The following RP1 variants were observed in gnomAD, a reference collection of about 807,000 sequenced individuals.
RP1 encodes RP1 axonemal microtubule associated.
A neutral mutation model predicts 14.8 loss-of-function variants in RP1; 16 were observed. That is an observed-to-expected ratio of 1.08 (90% confidence interval 0.73 to 1.65). The LOEUF (loss-of-function observed/expected upper bound fraction) is 1.65. Among genes scored for constraint, RP1 ranks in the 40% most tolerant of loss-of-function variants. The probability of loss-of-function intolerance (pLI) is 0.00; values close to 1 mark genes in which losing one functional copy is unlikely to be tolerated. For synonymous variants in RP1, 876 were observed against 883.6 expected (o/e 0.99, Z 0.15); for missense variants, 2,631 against 2,535.0 (o/e 1.04, Z -0.81).
intron 24 of RP1, among the ~76,000 whole-genome samples, chr8:54,813,618 C>T (rs1011391323): frequency 4.6e-5 from 7 of 152,044 alleles, no homozygotes; most frequent in Admixed American, 1.3e-4. Context: ...TATCTAATTC[C>T]GTGGAAATAT....
chr8:54,741,081 T>C (rs1486585231), intron 19 of RP1, among the ~76,000 whole-genome samples: 5 of 150,988 alleles, frequency 3.3e-5, no homozygotes, highest in African/African-American at 7.3e-5. Flanking sequence ...AGAAAGAAAA[T>C]ATTTTTGTAT....
At chr8:54,673,261 T>C (rs1807218102) in intron 7 of RP1, among the ~76,000 whole-genome samples, 1 of 152,210 alleles carries the variant, frequency 6.6e-6, no homozygotes, top group African/African-American at 2.4e-5. Context: ...ATACAAAGGT[T>C]ATTTTTTCTT....
intron 18 of RP1, among the ~76,000 whole-genome samples, chr8:54,738,074 T>C (rs1352904787): frequency 6.6e-6 from 1 of 152,238 alleles, no homozygotes; most frequent in African/African-American, 2.4e-5. Context: ...CTTGCTAGTC[T>C]GTATATTTCT....
chr8:54,582,897 G>C (rs1180813963), intron 1 of RP1, among the ~76,000 whole-genome samples: 1 of 152,164 alleles, frequency 6.6e-6, no homozygotes, highest in Admixed American at 6.5e-5. Context: ...AGGAGATTTG[G>C]GGCTGAGAGG....
chr8:54,777,978 G>A (rs185752601), intron 23 of RP1, among the ~76,000 whole-genome samples: 96 of 152,256 alleles, frequency 6.3e-4, no homozygotes, highest in African/African-American at 2.2e-3. Flanking sequence ...GTTATATATT[G>A]TGCTGAAATA....
chr8:54,763,470 T>G (rs530945605), intron 22 of RP1, among the ~76,000 whole-genome samples: 46 of 152,138 alleles, frequency 3.0e-4, no homozygotes, highest in Non-Finnish European at 6.0e-4. Context: ...ATCAGTTAAA[T>G]GCAAATAACT....
At chr8:54,690,151 G>A (rs1333649469) in intron 12 of RP1, among the ~76,000 whole-genome samples, 1 of 151,864 alleles carries the variant, frequency 6.6e-6, no homozygotes, top group Non-Finnish European at 1.5e-5. Flanking sequence ...TGCCACCTGT[G>A]TAAATTTTCT....
rs76235019 is a variant in RP1, at chr8:54,721,164, C to A, written c.2389+858C>A. On this transcript the variant is annotated intron_variant, in intron 16 of 22. Transcript: ENST00000636932. ...GGTATATTTGGTCCTGTTCTTCACT[C>A]TATCTGCATCAACTTCTTTTCAGCC... Among the ~76,000 whole-genome samples, 11 of 152,352 alleles carry A rather than the reference C, an allele frequency of 7.2e-5. No homozygotes were observed. The East Asian group carries it at 2.1e-3, about 29-fold the overall frequency.
chr8:54,642,015 T>C (rs1202111784), intron 3 of RP1, among the ~76,000 whole-genome samples: 1 of 152,198 alleles, frequency 6.6e-6, no homozygotes, highest in African/African-American at 2.4e-5. Flanking sequence ...CACAATTAGT[T>C]GTGGTACTAA....
At chr8:54,661,791 T>A (rs426380) in intron 6 of RP1, among the ~76,000 whole-genome samples, 33,615 of 151,820 alleles carry the variant, frequency 0.22, 4,277 homozygotes, top group East Asian at 0.42. Flanking sequence ...TTCTTTTTTT[T>A]AAAAAAGTAT....
Position 54,626,576 on chromosome 8 carries a change from GA to G in RP1, c.2700del (p.Lys900AsnfsTer24). 6.2e-7 allele frequency: 1 copy of G among 1,613,206 alleles called. No homozygotes were observed. The highest frequency in any genetic ancestry group is 8.5e-7 in the Non-Finnish European group (1 of 1,179,788). ...CCAGGGCAAATTCTTTAGCTTCTTT[GA>G]AAAAACCTGATTTTCCTGAGGCTAT... ...TTRANSLASL[K>X]KPDFPEAIAH... On this transcript the variant is annotated frameshift_variant, in exon 4 of 4. Coordinates refer to ENST00000220676, the MANE Select transcript of RP1 (RefSeq NM_006269.2). LOFTEE classifies it low-confidence loss of function (END_TRUNC).
At chr8:54,837,693 G>A (rs1175578940) in intron 25 of RP1, 2 of 1,168,914 alleles carry the variant, frequency 1.7e-6, no homozygotes, top group African/African-American at 3.2e-5. Context: ...TTTCCTTTGT[G>A]ATGTGTATTG....
intron 4 of RP1, chr8:54,649,287 G>T: frequency 1.5e-6 from 1 of 657,754 alleles, no homozygotes; most frequent in Non-Finnish European, 2.2e-6. Flanking sequence ...GGAAGTTTTT[G>T]CTCAAGCAGA....
At chr8:54,696,413 C>A (rs1293506376) in intron 12 of RP1, 13 of 701,356 alleles carry the variant, frequency 1.9e-5, no homozygotes, top group East Asian at 1.0e-4. Flanking sequence ...GGAGCAAGAG[C>A]AAAGAAAAAA....
intron 17 of RP1, among the ~76,000 whole-genome samples, chr8:54,729,930 T>G (rs1487848615): frequency 2.6e-5 from 4 of 152,188 alleles, no homozygotes; most frequent in Non-Finnish European, 4.4e-5. Flanking sequence ...TTGTGTCCTT[T>G]TTAATATAAA....
intron 24 of RP1, among the ~76,000 whole-genome samples, chr8:54,831,345 A>T (rs1191580341): frequency 6.8e-6 from 1 of 147,710 alleles, no homozygotes; most frequent in Non-Finnish European, 1.5e-5. Flanking sequence ...GGATATCTCA[A>T]TCTTGTATTA....
intron 24 of RP1, among the ~76,000 whole-genome samples, chr8:54,807,948 A>G (rs1810898317): frequency 6.7e-6 from 1 of 149,548 alleles, no homozygotes. Flanking sequence ...TGCTTTCCTG[A>G]GAGTCCACAG....
At chr8:54,767,668 G>GT (rs1451283351) in intron 22 of RP1, among the ~76,000 whole-genome samples, 2 of 152,090 alleles carry the variant, frequency 1.3e-5, no homozygotes, top group Non-Finnish European at 2.9e-5. Context: ...CCTAAAGTCT[G>GT]TATTTTTAAA....
At chr8:54,702,914 T>C (rs1311727776) in intron 14 of RP1, among the ~76,000 whole-genome samples, 1 of 152,230 alleles carries the variant, frequency 6.6e-6, no homozygotes, top group Admixed American at 6.5e-5. Context: ...GAAGTAATCT[T>C]TCATCTGTTC....
Sources: allele counts gnomAD v4.1 joint callset (sites outside exome capture counted in the v4.1 genomes callset), GRCh38; gene constraint gnomAD v4.1.1; transcripts MANE v1.5; gene names NCBI Gene and HGNC (gene_info 2026-07-23, HGNC 2026-07-21).